Variants in LRRC37A2 observed in about 807,000 individuals in gnomAD.
LRRC37A2 encodes leucine-rich repeat-containing protein 37A2.
In LRRC37A2, 9 loss-of-function variants were observed where a neutral mutation model predicts 68.8. The observed-to-expected ratio is 0.13, with a 90% CI of 0.08 to 0.23. The LOEUF is 0.23. Ranked by LOEUF, LRRC37A2 falls within the 10% of genes least tolerant of loss-of-function variation. LRRC37A2 has a pLI of 1.00. For missense variants in LRRC37A2, 168 were observed against 950.4 expected (o/e 0.18, Z 10.82); for synonymous variants, 63 against 367.6 (o/e 0.17, Z 9.48).
chr17:46,994,181 T>C, the LRRC37A2 span, among the ~76,000 whole-genome samples: 1 of 151,276 alleles, frequency 6.6e-6, no homozygotes, highest in Non-Finnish European at 1.5e-5. Flanking sequence ...GGTCAGGAGT[T>C]TGAGACCAGC....
the LRRC37A2 span, among the ~76,000 whole-genome samples, chr17:46,602,711 C>G: frequency 6.9e-6 from 1 of 144,832 alleles, no homozygotes; most frequent in African/African-American, 2.7e-5. Flanking sequence ...AATTCTGAGT[C>G]TTCCAATGAA....
chr17:46,862,710 G>A, the LRRC37A2 span, among the ~76,000 whole-genome samples: 17 of 152,278 alleles, frequency 1.1e-4, no homozygotes, highest in Middle Eastern at 6.8e-3. Context: ...AGCCTCCCGA[G>A]TAGCTAGGAC....
At chr17:46,542,785 A>C (rs1302040468) in intron 8 of LRRC37A2, among the ~76,000 whole-genome samples, 5 of 150,536 alleles carry the variant, frequency 3.3e-5, no homozygotes, top group Admixed American at 2.0e-4. Context: ...AATTTACTGC[A>C]ACTTCAATTG....
At chr17:46,801,114 G>T in the LRRC37A2 span, among the ~76,000 whole-genome samples, 5 of 152,138 alleles carry the variant, frequency 3.3e-5, no homozygotes, top group African/African-American at 1.2e-4. Flanking sequence ...TCCCCATTTT[G>T]CAGAGAGAAA....
chr17:46,936,923 A>C, the LRRC37A2 span: 14 of 560,152 alleles, frequency 2.5e-5, no homozygotes, highest in Non-Finnish European at 3.2e-5. Flanking sequence ...TGTTGATCTC[A>C]CTTTCCTTGT....
the LRRC37A2 span, among the ~76,000 whole-genome samples, chr17:46,769,306 A>T: frequency 7.4e-6 from 1 of 136,040 alleles, no homozygotes; most frequent in Non-Finnish European, 1.5e-5. Flanking sequence ...ACTGAGCGAG[A>T]CTCCGTCTCA....
the LRRC37A2 span, among the ~76,000 whole-genome samples, chr17:46,679,622 G>A: frequency 1.4e-5 from 2 of 138,888 alleles, no homozygotes; most frequent in Non-Finnish European, 3.1e-5. Context: ...AACCCGGGAG[G>A]CGGAGATTGC....
chr17:47,038,357 T>C, the LRRC37A2 span, among the ~76,000 whole-genome samples: 1 of 151,822 alleles, frequency 6.6e-6, no homozygotes, highest in Non-Finnish European at 1.5e-5. Context: ...GGTGCATACC[T>C]ATAATCCCTG....
At chr17:46,875,070 C>A in the LRRC37A2 span, 5 of 1,613,468 alleles carry the variant, frequency 3.1e-6, no homozygotes, top group Non-Finnish European at 4.2e-6. Context: ...CCCCTTTCCT[C>A]CCTCCCTATG....
the LRRC37A2 span, among the ~76,000 whole-genome samples, chr17:46,503,007 T>G: frequency 6.6e-6 from 1 of 150,652 alleles, no homozygotes; most frequent in African/African-American, 2.5e-5. Context: ...TGTCAGGAGA[T>G]GGAGATCATC....
At chr17:46,867,167 C>A in the LRRC37A2 span, among the ~76,000 whole-genome samples, 8 of 152,368 alleles carry the variant, frequency 5.3e-5, no homozygotes, top group East Asian at 1.5e-3. Context: ...CTGAGTCCAA[C>A]CAACTTCCTT....
At chr17:46,935,977 C>T in the LRRC37A2 span, 2 of 985,810 alleles carry the variant, frequency 2.0e-6, no homozygotes, top group Non-Finnish European at 2.4e-6. Flanking sequence ...TGAGCTTTAT[C>T]TTAGTTTTTG....
At chr17:46,711,814 CCA>C in the LRRC37A2 span, among the ~76,000 whole-genome samples, 1 of 152,116 alleles carries the variant, frequency 6.6e-6, no homozygotes, top group Non-Finnish European at 1.5e-5. Flanking sequence ...CATGACTTGA[CCA>C]ATGAGGAGAC....
the LRRC37A2 span, among the ~76,000 whole-genome samples, chr17:47,013,482 G>A: frequency 3.3e-5 from 5 of 152,010 alleles, no homozygotes; most frequent in African/African-American, 9.7e-5. Context: ...TAAAATTTCT[G>A]GTACAACAAG....
the LRRC37A2 span, chr17:46,768,793 G>A: frequency 4.3e-6 from 7 of 1,613,450 alleles, no homozygotes; most frequent in South Asian, 7.7e-5. The surrounding 1 kb of genome is among the most constrained non-coding windows in gnomAD (Gnocchi z 5.0). Context: ...ATGTGGTCCA[G>A]GATAGTCTGG....
chr17:46,612,220 T>TTTC, the LRRC37A2 span, among the ~76,000 whole-genome samples: 1 of 111,244 alleles, frequency 9.0e-6, no homozygotes, highest in Non-Finnish European at 1.8e-5. Flanking sequence ...ACTTTTTTTT[T>TTTC]TTTTTTTTTT....
chr17:46,879,700 G>A, the LRRC37A2 span, among the ~76,000 whole-genome samples: 1 of 152,200 alleles, frequency 6.6e-6, no homozygotes, highest in Non-Finnish European at 1.5e-5. Flanking sequence ...CATAGACCAG[G>A]CACTACGGGC....
chr17:46,806,094 C>T, the LRRC37A2 span, among the ~76,000 whole-genome samples: 3 of 151,992 alleles, frequency 2.0e-5, no homozygotes, highest in Non-Finnish European at 2.9e-5. Flanking sequence ...ACATCATAAG[C>T]GAGGAATTAC....
At chr17:46,728,655 AT>A in the LRRC37A2 span, among the ~76,000 whole-genome samples, 2 of 150,676 alleles carry the variant, frequency 1.3e-5, no homozygotes, top group African/African-American at 4.9e-5. Context: ...TATTAGAGAT[AT>A]TTTTTCTTAT....
Sources: allele counts gnomAD v4.1 joint callset (sites outside exome capture counted in the v4.1 genomes callset), GRCh38; gene constraint gnomAD v4.1.1; non-coding constraint Gnocchi (gnomAD v3.1); transcripts MANE v1.5; gene names NCBI Gene and HGNC (gene_info 2026-07-23, HGNC 2026-07-21).